The following KCNH4 variants were observed in gnomAD, a reference collection of about 807,000 sequenced individuals.
KCNH4 encodes voltage-gated delayed rectifier potassium channel KCNH4.
In KCNH4, 33 loss-of-function variants were observed where a neutral mutation model predicts 90.7. That is an observed-to-expected ratio of 0.36 (90% CI 0.28 to 0.49). The LOEUF (loss-of-function observed/expected upper bound fraction) is 0.49, where lower values mean the gene tolerates loss of function less well. KCNH4 is among the 20% of genes least tolerant of loss of function. The pLI, the probability that KCNH4 is intolerant of heterozygous loss-of-function variation, is 0.98. For synonymous variants in KCNH4, 551 were observed against 581.7 expected, an observed-to-expected ratio of 0.95 and a Z score of 0.76; for missense variants, 1,044 against 1,387.1, an observed-to-expected ratio of 0.75 and a Z score of 3.93.
chr17:42,170,049 T>A, intron 8 of KCNH4, 58 bp downstream of exon 8: 1 of 1,499,200 alleles, frequency 6.7e-7, no homozygotes, highest in East Asian at 2.3e-5. Flanking sequence ...GGCCTCAGTT[T>A]CCCCGTGCAT....
Position 42,181,105 on chromosome 17 carries a change from C to T in KCNH4, c.-160G>A, listed in dbSNP as rs1003352527. 1 of 618,406 alleles carries T rather than the reference C, an allele frequency of 1.6e-6. No homozygotes were observed. Among genetic ancestry groups the T allele is most frequent in the Non-Finnish European group, 2.8e-6 (1 of 361,580 alleles). 38.3% of individuals were successfully genotyped at this position (618,406 alleles called of 1,614,324 possible). On this transcript the variant is annotated 5_prime_UTR_variant, in exon 1 of 17. Transcript: ENST00000264661. ...CCGCTGCCGCTGCCTCTGCTCCGAA[C>T]CCCGTAGCTCTCGGCTCGGCTCAGC...
Position 42,165,693 on chromosome 17 carries a change from C to T in KCNH4, c.1841G>A (p.Gly614Glu), listed in dbSNP as rs753970439. 12 of 1,613,968 alleles carry T rather than the reference C, an allele frequency of 7.4e-6. 1 individual carries two copies. In the South Asian group the frequency reaches 1.1e-4, roughly 15 times the overall value. Residue 614 changes from glycine (G) to glutamate (E), a missense_variant and splice_region_variant, in exon 11 of 17, where the codon GGG (glycine) becomes GAG (glutamate). Gly to Glu is a moderately conservative substitution (Grantham distance 98, BLOSUM62 -2). Around this residue, in one of 4 missense-constraint regions of KCNH4, gnomAD observed 318 missense variants for 479.6 expected, o/e 0.66. Transcript: ENST00000264661. ...LRDNMVLAIL[G>E]KGDLIGADIP... ...ATCTGCTCCAATCAGGTCCCCCTTC[C>T]CTGTAGGTAAGGGATGGGGACAGTC...
chr17:42,166,247 T>C lies in KCNH4; in HGVS notation c.1840+50A>G, dbSNP rs1269397240. 2.0e-6 allele frequency: 3 copies of C among 1,530,750 alleles called. No homozygotes were observed. In the South Asian group the frequency reaches 3.7e-5, roughly 19 times the overall value. The allele number at this position is 1,530,750 out of a possible 1,614,324, so 94.8% of individuals were successfully genotyped here. ...GCCATTCCCAAGTCCTCAGTGGGGG[T>C]TGCGGGGGGTGGTTCCAGGGTAGGT... On this transcript the variant is annotated intron_variant, in intron 10 of 16. Transcript: ENST00000264661.
rs748805614 is a variant in KCNH4 at position 42,163,297 on chromosome 17, C to T, written c.2515G>A (p.Glu839Lys). ...DGIEDSGSTA[E>K]APSFRFSRRP... ...CTGCTGAATCGGAATGAAGGGGCCT[C>T]AGCTGTGCTGCCAGAGTCCTCAATG... The change falls in exon 14 of 17, where the codon GAG becomes AAG. Residue 839 changes from glutamate (E) to lysine (K), a missense_variant. This residue lies in a region of KCNH4 where 441 missense variants were observed against 512.3 expected (regional missense o/e 0.86). Transcript: ENST00000264661. This position sits in a 1 kb window ranked among gnomAD's most constrained non-coding sequence, Gnocchi z 5.4. The T allele has an allele frequency of 6.2e-7, 1 of 1,614,080 alleles. No homozygotes were observed. Among genetic ancestry groups the T allele is most frequent in the South Asian group, 1.1e-5 (1 of 91,086 alleles).
At position 42,166,397 on chromosome 17, in the gene KCNH4, G is replaced by A; in HGVS notation, c.1740C>T (p.Gly580=). The change falls in exon 10 of 17, where the codon GGC becomes GGT. Residue 580 remains glycine (G), a synonymous_variant. Coordinates refer to ENST00000264661, the MANE Select transcript of KCNH4 (RefSeq NM_012285.3). ...LHIKTSFCAP[G]EYLLRRGDAL... ...CATCCCCACGGCGCAACAGGTACTC[G>A]CCCGGAGCGCAGAACGAGGTCTTGA... 6.2e-7 allele frequency: 1 copy of A among 1,613,952 alleles called. No individual in the cohort carries two copies. The highest frequency in any genetic ancestry group is 8.5e-7 in the Non-Finnish European group (1 of 1,179,908).
In KCNH4 at chr17:42,176,067, C is replaced by T; in HGVS notation, c.816G>A (p.Met272Ile). 2 of 1,607,082 alleles carry T rather than the reference C, an allele frequency of 1.2e-6. No individual in the cohort carries two copies. Among genetic ancestry groups the T allele is most frequent in the South Asian group, 2.2e-5 (2 of 90,530 alleles). ...HTLVSDIAVE[M>I]LFILDIILNF... ...AGAAGGTCTGACCTAGGATGAAGAG[C>T]ATTTCCACGGCGATGTCGCTGACAA... Residue 272 changes from methionine (M) to isoleucine (I), a missense_variant, in exon 5 of 17, where the codon ATG becomes ATA. Transcript: ENST00000264661.
Position 42,163,968 on chromosome 17 carries a change from G to C in KCNH4, c.2125-10C>G. On this transcript the variant is annotated splice_polypyrimidine_tract_variant and intron_variant, in intron 12 of 16. Transcript: ENST00000264661. The surrounding 1 kb of genome is among the most constrained non-coding windows in gnomAD (Gnocchi z 5.4). Reference sequence around the variant, plus strand: ...GGCTTTCTGAGCGGGGCTGCGGGCAGAGGGGGCAGCTGATGTCGCAGGACA... The same window carrying C: ...GGCTTTCTGAGCGGGGCTGCGGGCACAGGGGGCAGCTGATGTCGCAGGACA... The C allele has an allele frequency of 6.5e-7, 1 of 1,527,392 alleles. No homozygotes were observed. Among genetic ancestry groups the C allele is most frequent in the Non-Finnish European group, 8.8e-7 (1 of 1,137,224 alleles). The allele number at this position is 1,527,392 out of a possible 1,614,324, so 94.6% of individuals were successfully genotyped here. A position where few individuals can be genotyped will look rare whatever the true frequency, so the allele number is the denominator to read the frequency against.
rs977548996 is a variant in KCNH4, at chr17:42,176,197, C to T, written c.686G>A (p.Trp229Ter). 3.7e-6 allele frequency: 6 copies of T among 1,613,726 alleles called. No individual in the cohort carries two copies. Among genetic ancestry groups the T allele is most frequent in the African/African-American group, 2.7e-5 (2 of 74,804 alleles). Residue 229 changes from tryptophan to a stop codon, truncating the protein, a stop_gained, in exon 5 of 17, where the codon TGG becomes TAG. Transcript: ENST00000264661. LOFTEE classifies it high-confidence loss of function. ...LLHYSVSKAI[W>*]DGLILLATFY... is the part of the protein sequence containing the mutation. ...GGTGGCAAGGAGGATAAGGCCGTCC[C>T]AGATGGCCTTGGAGACGCTGTAGTG...
In KCNH4 at chr17:42,180,884, C is replaced by A; in HGVS notation, c.62G>T (p.Arg21Leu). 6.2e-7 allele frequency: 1 copy of A among 1,613,908 alleles called. No homozygotes were observed. The highest frequency in any genetic ancestry group is 1.1e-5 in the South Asian group (1 of 91,066). ...GTCCCACTCACGCGTTCCGTCAAAA[C>A]GGGTGGCGATGGTGTCCAGGAAGGT... ...QNTFLDTIAT[R>L]FDGTHSNFLL... The change falls in exon 1 of 17, where the codon CGT (arginine) becomes CTT (leucine). Residue 21 changes from arginine to leucine, a missense_variant. Physicochemically the swap from Arg to Leu is moderately radical, Grantham distance 102. This residue lies in a region of KCNH4 where 283 missense variants were observed against 378.6 expected (regional missense o/e 0.75). Transcript: ENST00000264661. The surrounding 1 kb of genome is among the most constrained non-coding windows in gnomAD (Gnocchi z 4.7).
chr17:42,171,251 A>G (rs1422677811), intron 7 of KCNH4, among the ~76,000 whole-genome samples: 2 of 151,992 alleles, frequency 1.3e-5, no homozygotes, highest in East Asian at 3.9e-4. Flanking sequence ...GGGAAGGGGC[A>G]GAGAGGATGG....
chr17:42,175,953 C>T (rs1233180614), intron 5 of KCNH4, 101 bp downstream of exon 5: 2 of 1,376,240 alleles, frequency 1.5e-6, no homozygotes, highest in Non-Finnish European at 2.0e-6. Flanking sequence ...AAGGAAGGGG[C>T]TCTGAATGTC....
Position 42,178,134 on chromosome 17 carries a change from C to A in KCNH4, c.551G>T (p.Gly184Val). 6.2e-7 allele frequency: 1 copy of A among 1,614,144 alleles called. No individual in the cohort carries two copies. The highest frequency in any genetic ancestry group is 8.5e-7 in the Non-Finnish European group (1 of 1,180,012). The change falls in exon 4 of 17, where the codon GGC becomes GTC. Residue 184 changes from glycine (G) to valine (V), a missense_variant. Coordinates refer to ENST00000264661, the MANE Select transcript of KCNH4 (RefSeq NM_012285.3). ...TVLHRLTGHF[G>V]RRGQGGMKAN... ...CTTCATGCCTCCCTGGCCCCGGCGG[C>A]CAAAGTGGCCGGTCAGTCGGTGTAG...
chr17:42,166,506 G>A lies in KCNH4; in HGVS notation c.1631C>T (p.Ala544Val), dbSNP rs775832162. Residue 544 changes from alanine (A) to valine (V), a missense_variant, in exon 10 of 17, where the codon GCT (alanine) becomes GTT (valine). This residue lies in a region of KCNH4 where 318 missense variants were observed against 479.6 expected (regional missense o/e 0.66). Transcript: ENST00000264661. ...CAGGATCTCCCGATTCAGGTGCATA[G>A]CAATGTCAGCTCTCAGCTCGTCTGG... ...DFPDELRADI[A>V]MHLNREILQL... The A allele has an allele frequency of 2.5e-6, 4 of 1,613,660 alleles. No individual in the cohort carries two copies. Among genetic ancestry groups the A allele is most frequent in the Admixed American group, 1.7e-5 (1 of 59,992 alleles).
chr17:42,179,375 A>G (rs1449609377), intron 1 of KCNH4, among the ~76,000 whole-genome samples: 2 of 152,216 alleles, frequency 1.3e-5, no homozygotes, highest in African/African-American at 4.8e-5. Flanking sequence ...CTCCACTGCC[A>G]CTTACTAACT....
At chr17:42,179,857 C>G (rs2079888920) in intron 1 of KCNH4, among the ~76,000 whole-genome samples, 1 of 152,252 alleles carries the variant, frequency 6.6e-6, no homozygotes, top group South Asian at 2.1e-4. Context: ...CGAGCTGTCT[C>G]CCTCCAGCTC....
chr17:42,171,211 C>A (rs112654533), intron 7 of KCNH4, among the ~76,000 whole-genome samples: 1 of 151,686 alleles, frequency 6.6e-6, no homozygotes, highest in Non-Finnish European at 1.5e-5. Context: ...ATTGCACAGG[C>A]CTGGGTGAGA....
Position 42,163,850 on chromosome 17 carries a change from G to C in KCNH4, c.2233C>G (p.Leu745Val). ...GGGPRPRRPL[L>V]LPNLSPARPR... ...CGTGCTGGGCTGAGGTTGGGCAGCA[G>C]GAGGGGCCGTCGGGGCCTGGGACCA... is the stretch of plus-strand genomic sequence containing the variant. The change falls in exon 13 of 17, where the codon CTG (leucine) becomes GTG (valine). Residue 745 changes from leucine to valine, a missense_variant. Physicochemically the swap from Leu to Val is conservative, Grantham distance 32. This residue lies in a region of KCNH4 where 441 missense variants were observed against 512.3 expected (regional missense o/e 0.86). Coordinates refer to ENST00000264661, the MANE Select transcript of KCNH4 (RefSeq NM_012285.3). This position sits in a 1 kb window ranked among gnomAD's most constrained non-coding sequence, Gnocchi z 5.4. 1 of 1,511,284 alleles carries C rather than the reference G, an allele frequency of 6.6e-7. No individual in the cohort carries two copies. The highest frequency in any genetic ancestry group is 1.4e-5 in the African/African-American group (1 of 71,802). 93.6% of individuals were successfully genotyped at this position (1,511,284 alleles called of 1,614,324 possible).
chr17:42,165,673 C>T lies in KCNH4; in HGVS notation c.1861G>A (p.Ala621Thr). Residue 621 changes from alanine (A) to threonine (T), a missense_variant, in exon 11 of 17, where the codon GCA (alanine) becomes ACA (threonine). Physicochemically the swap from Ala to Thr is moderately conservative, Grantham distance 58 (BLOSUM62 0). Transcript: ENST00000264661. The stretch of plus-strand genomic sequence containing the variant: ...TCCTGCCCCGGCTCAGGGATATCTG[C>T]TCCAATCAGGTCCCCCTTCCCTGTA... ...AILGKGDLIG[A>T]DIPEPGQEPG... 1 of 1,614,158 alleles carries T rather than the reference C, an allele frequency of 6.2e-7. No homozygotes were observed. Among genetic ancestry groups the T allele is most frequent in the East Asian group, 2.2e-5 (1 of 44,876 alleles).
Position 42,171,800 on chromosome 17 carries a change from G to A in KCNH4, c.1183C>T (p.Leu395Phe). The A allele has an allele frequency of 6.2e-7, 1 of 1,614,146 alleles. No homozygotes were observed. Among genetic ancestry groups the A allele is most frequent in the Non-Finnish European group, 8.5e-7 (1 of 1,180,024 alleles). The part of the protein sequence containing the change: ...RREMEANDPL[L>F]WDIGWLHELG... ...GTCGGTGGCTCACCAATGTCCCAGA[G>A]CAGCGGGTCATTGGCCTCCATCTCC... The change falls in exon 7 of 17, where the codon CTC becomes TTC. Residue 395 changes from leucine (L) to phenylalanine (F), a missense_variant. By Grantham distance (22) the Leu-to-Phe change is conservative (BLOSUM62 0). Around this residue, in one of 4 missense-constraint regions of KCNH4, gnomAD observed 318 missense variants for 479.6 expected, o/e 0.66. Transcript: ENST00000264661.
Sources: allele counts gnomAD v4.1 joint callset (sites outside exome capture counted in the v4.1 genomes callset), GRCh38; gene constraint gnomAD v4.1.1; regional missense constraint gnomAD v4.1.1; non-coding constraint Gnocchi (gnomAD v3.1); transcripts MANE v1.5; gene names NCBI Gene and HGNC (gene_info 2026-07-23, HGNC 2026-07-21).